Variants in PPP1R12A observed in about 807,000 individuals in gnomAD.
PPP1R12A encodes the protein protein phosphatase 1 regulatory subunit 12A.
Under a neutral mutation model 139.6 loss-of-function variants are expected in PPP1R12A, and 19 were observed. The ratio of observed to expected loss-of-function variants is 0.14; its 90% CI spans 0.09 to 0.20. PPP1R12A has a LOEUF of 0.20. Among genes scored for constraint, PPP1R12A ranks in the 10% least tolerant of loss-of-function variants. The probability of loss-of-function intolerance (pLI) is 1.00; values close to 1 mark genes in which losing one functional copy is unlikely to be tolerated. For missense variants in PPP1R12A, 925 were observed against 1,211.5 expected, an observed-to-expected ratio of 0.76 and a Z score of 3.51; for synonymous variants, 427 against 420.6, an observed-to-expected ratio of 1.02 and a Z score of -0.19.
At chr12:79,790,625 A>C in intron 19 of PPP1R12A, 142 bp from the exon 20 acceptor site, 1 of 494,692 alleles carries the variant, frequency 2.0e-6, no homozygotes, top group Non-Finnish European at 3.4e-6. Context: ...ATAACAGTAT[A>C]TACATATTTT....
intron 1 of PPP1R12A, among the ~76,000 whole-genome samples, chr12:79,883,877 C>A (rs1883871124): frequency 6.6e-6 from 1 of 151,880 alleles, no homozygotes; most frequent in Non-Finnish European, 1.5e-5. Flanking sequence ...CCATCTAGTA[C>A]AGAAGACAAA....
chr12:79,833,477 T>C (rs557898110), intron 3 of PPP1R12A, among the ~76,000 whole-genome samples: 9 of 152,212 alleles, frequency 5.9e-5, no homozygotes, highest in Admixed American at 1.3e-4. Context: ...CACAAGTCTA[T>C]AGGCCTTTTT....
At chr12:79,872,714 T>C (rs1882703268) in intron 2 of PPP1R12A, 94 bp downstream of exon 2, 1 of 1,312,424 alleles carries the variant, frequency 7.6e-7, no homozygotes, top group Non-Finnish European at 1.1e-6. Flanking sequence ...ATTAAAGTAA[T>C]ATAAGAGTTC....
intron 4 of PPP1R12A, among the ~76,000 whole-genome samples, chr12:79,831,861 T>C (rs996361052): frequency 1.3e-5 from 2 of 152,220 alleles, no homozygotes; most frequent in East Asian, 3.8e-4. Context: ...TATTTTATAG[T>C]GTGCTAATAG....
intron 3 of PPP1R12A, among the ~76,000 whole-genome samples, chr12:79,834,582 G>A (rs1877848824): frequency 6.6e-6 from 1 of 152,172 alleles, no homozygotes; most frequent in African/African-American, 2.4e-5. Context: ...AAAAAGAGAG[G>A]TCGAGAATCA....
chr12:79,890,891 CCACCCA>C (rs1555235688), intron 1 of PPP1R12A, among the ~76,000 whole-genome samples: 1 of 99,534 alleles, frequency 1.0e-5, no homozygotes, highest in East Asian at 2.9e-4. Context: ...CACACACCAC[CCACCCA>C]CACCCACCCA....
At chr12:79,811,878 C>T (rs1256783938) in intron 9 of PPP1R12A, among the ~76,000 whole-genome samples, 1 of 152,106 alleles carries the variant, frequency 6.6e-6, no homozygotes, top group East Asian at 1.9e-4. Context: ...AACAAAAAAC[C>T]TGGAAACAAA....
intron 1 of PPP1R12A, among the ~76,000 whole-genome samples, chr12:79,880,876 G>A (rs1883576419): frequency 6.6e-6 from 1 of 152,038 alleles, no homozygotes; most frequent in South Asian, 2.1e-4. Context: ...CTTACCTCAT[G>A]TCTGTGTCAC....
intron 11 of PPP1R12A, among the ~76,000 whole-genome samples, chr12:79,808,021 G>A (rs545039514): frequency 6.6e-6 from 1 of 151,426 alleles, no homozygotes; most frequent in African/African-American, 2.4e-5. Context: ...GGGTGACAGA[G>A]CGAGACTCTG....
intron 3 of PPP1R12A, among the ~76,000 whole-genome samples, chr12:79,842,538 T>G (rs926000240): frequency 6.6e-6 from 1 of 151,834 alleles, no homozygotes. Flanking sequence ...GTTTGATCAC[T>G]GCCTAATGGA....
At chr12:79,880,559 A>G (rs920250434) in intron 1 of PPP1R12A, among the ~76,000 whole-genome samples, 11 of 152,210 alleles carry the variant, frequency 7.2e-5, no homozygotes, top group African/African-American at 2.4e-4. Flanking sequence ...TCCCATCAGT[A>G]ACGGTGGCTC....
intron 1 of PPP1R12A, among the ~76,000 whole-genome samples, chr12:79,890,908 CA>C (rs1884562818): frequency 7.5e-6 from 1 of 133,914 alleles, no homozygotes; most frequent in Admixed American, 7.1e-5. Flanking sequence ...CACCCACCCA[CA>C]CACACACACA....
chr12:79,921,663 C>T (rs1887451421), intron 1 of PPP1R12A, among the ~76,000 whole-genome samples: 1 of 152,134 alleles, frequency 6.6e-6, no homozygotes, highest in South Asian at 2.1e-4. Context: ...AGCCAGGGAC[C>T]ACTGTTTTTA....
At chr12:79,800,559 G>A (rs1459491707) in intron 14 of PPP1R12A, among the ~76,000 whole-genome samples, 1 of 151,554 alleles carries the variant, frequency 6.6e-6, no homozygotes, top group Non-Finnish European at 1.5e-5. Context: ...GGACTCAAAA[G>A]TTTTACGCAA....
intron 22 of PPP1R12A, among the ~76,000 whole-genome samples, chr12:79,785,837 T>A (rs893033643): frequency 6.6e-6 from 1 of 152,148 alleles, no homozygotes; most frequent in Non-Finnish European, 1.5e-5. Context: ...AAAAGTGGCT[T>A]GGGAAACAAT....
chr12:79,808,617 G>T, intron 10 of PPP1R12A, 40 bp from the exon 11 acceptor site: 4 of 1,222,700 alleles, frequency 3.3e-6, no homozygotes, highest in Middle Eastern at 3.8e-4. Flanking sequence ...ATTAATTTGG[G>T]TACTGACTAT....
At chr12:79,823,140 G>A (rs964585294) in intron 5 of PPP1R12A, among the ~76,000 whole-genome samples, 1 of 152,080 alleles carries the variant, frequency 6.6e-6, no homozygotes, top group African/African-American at 2.4e-5. Context: ...TCAAAGAGCT[G>A]CTGACTAAAC....
chr12:79,897,627 T>G (rs1404994888), intron 1 of PPP1R12A, among the ~76,000 whole-genome samples: 1 of 152,156 alleles, frequency 6.6e-6, no homozygotes, highest in Admixed American at 6.5e-5. Context: ...TGTGATCAAG[T>G]GGAGGATGAT....
intron 19 of PPP1R12A, among the ~76,000 whole-genome samples, chr12:79,792,153 A>G (rs939432091): frequency 1.4e-4 from 21 of 152,128 alleles, no homozygotes; most frequent in Admixed American, 7.2e-4. Context: ...TGGACACATA[A>G]TATCTATGTG....
Sources: gnomAD v4.1 joint callset for allele counts (sites outside exome capture counted in the v4.1 genomes callset) on GRCh38, gnomAD v4.1.1 for gene constraint, MANE v1.5 for transcripts, NCBI Gene and HGNC (gene_info 2026-07-23, HGNC 2026-07-21) for gene names.